Variants in MECR observed in about 807,000 individuals in gnomAD.
MECR encodes the protein enoyl-[acyl-carrier-protein] reductase, mitochondrial.
A neutral mutation model predicts 49.1 loss-of-function variants in MECR; 37 were observed. The observed-to-expected ratio is 0.75, with a 90% confidence interval of 0.58 to 0.99. The LOEUF (loss-of-function observed/expected upper bound fraction) is 0.99. MECR is among the 50% of genes least tolerant of loss of function. The pLI, the probability that MECR is intolerant of heterozygous loss-of-function variation, is 0.00. For missense variants in MECR, 470 were observed against 479.6 expected (o/e 0.98, Z 0.19); for synonymous variants, 198 against 191.1 (o/e 1.04, Z -0.30).
chr1:29,202,481 G>T (rs1455687459), intron 5 of MECR, among the ~76,000 whole-genome samples: 1 of 152,146 alleles, frequency 6.6e-6, no homozygotes, highest in Non-Finnish European at 1.5e-5. Flanking sequence ...TACAACTGAG[G>T]AACTGAAGCT....
chr1:29,214,894 T>G (rs1265544802), intron 3 of MECR, among the ~76,000 whole-genome samples: 1 of 152,248 alleles, frequency 6.6e-6, no homozygotes, highest in African/African-American at 2.4e-5. Flanking sequence ...ATAACAGACG[T>G]GCCTTGAAAA....
chr1:29,211,708 C>T (rs1443872515), intron 3 of MECR, among the ~76,000 whole-genome samples: 1 of 76,800 alleles, frequency 1.3e-5, no homozygotes, highest in East Asian at 2.0e-4. Flanking sequence ...AGAGAACTTG[C>T]CCCCTGATTC....
chr1:29,202,298 G>A (rs1313239689), intron 5 of MECR, among the ~76,000 whole-genome samples: 1 of 152,162 alleles, frequency 6.6e-6, no homozygotes, highest in East Asian at 1.9e-4. Context: ...AGTGTTAGAA[G>A]CCATCTGTGC....
At chr1:29,181,822 A>ACGGCGGCAGCGGCGG in the MECR span, 9 of 1,328,760 alleles carry the variant, frequency 6.8e-6, no homozygotes, top group Non-Finnish European at 8.8e-6. Context: ...AAGCGAGAGC[A>ACGGCGGCAGCGGCGG]CGGCGGCAGC....
intron 3 of MECR, among the ~76,000 whole-genome samples, chr1:29,214,667 T>A (rs1367540109): frequency 6.6e-6 from 1 of 152,176 alleles, no homozygotes; most frequent in Non-Finnish European, 1.5e-5. Context: ...GGCCCCAACT[T>A]CTTTTTTTAA....
At chr1:29,227,919 G>A (rs1682516339) in intron 1 of MECR, among the ~76,000 whole-genome samples, 1 of 152,168 alleles carries the variant, frequency 6.6e-6, no homozygotes, top group Admixed American at 6.5e-5. Flanking sequence ...GAGAATTACT[G>A]CTTGTCTGAC....
chr1:29,205,803 C>A (rs540140335), intron 4 of MECR, among the ~76,000 whole-genome samples: 1 of 152,036 alleles, frequency 6.6e-6, no homozygotes, highest in Non-Finnish European at 1.5e-5. Context: ...CAAGCCGGGG[C>A]GACAGAGCAC....
chr1:29,207,691 G>A (rs1676956705), intron 3 of MECR, among the ~76,000 whole-genome samples: 1 of 152,058 alleles, frequency 6.6e-6, no homozygotes, highest in Non-Finnish European at 1.5e-5. Flanking sequence ...AGTGAGCTAT[G>A]ATTGTGTGAC....
chr1:29,207,072 C>T (rs1676779087), intron 3 of MECR, among the ~76,000 whole-genome samples, 167 bp from the exon 4 acceptor site: 1 of 152,086 alleles, frequency 6.6e-6, no homozygotes, highest in African/African-American at 2.4e-5. Flanking sequence ...CTGGACGTTC[C>T]TCTGAATGTC....
chr1:29,230,782 CGGG>C lies in MECR; in HGVS notation c.122_124del (p.Ala41_Arg42delinsGly). The C allele has an allele frequency of 6.2e-7, 1 of 1,603,406 alleles. No individual in the cohort carries two copies. Among genetic ancestry groups the C allele is most frequent in the Non-Finnish European group, 8.5e-7 (1 of 1,175,676 alleles). ...GTGCCCATAGACAAGCGCCCGGACC[CGGG>C]CAGGCTCGGCGGATGCGGAGTAGGA... On this transcript the variant is annotated inframe_deletion, in exon 1 of 10. Transcript: ENST00000263702.
At chr1:29,192,635 G>A (rs1673190371), downstream of MECR, among the ~76,000 whole-genome samples, 1 of 152,184 alleles carries the variant, frequency 6.6e-6, no homozygotes, top group Non-Finnish European at 1.5e-5. Flanking sequence ...CAGAGGGCCA[G>A]GTGATAAGGG....
chr1:29,192,286 CCT>C (rs1381565879), downstream of MECR, among the ~76,000 whole-genome samples: 1 of 152,144 alleles, frequency 6.6e-6, no homozygotes, highest in Admixed American at 6.5e-5. Flanking sequence ...ACTGCAGTTC[CCT>C]GAGTGCCAGG....
Position 29,193,988 on chromosome 1 carries a change from C to G in MECR, c.*34G>C, listed in dbSNP as rs752674070. ...TGCACCCAGCCCCTCAGATCCGCCT[C>G]CCCTCCCATGTCACTCCAGCTCTTT... On this transcript the variant is annotated 3_prime_UTR_variant, in exon 10 of 10. Coordinates refer to ENST00000263702, the MANE Select transcript of MECR (RefSeq NM_016011.5). The G allele has an allele frequency of 3.3e-5, 54 of 1,613,120 alleles. 1 individual carries two copies. In the South Asian group the frequency reaches 5.9e-4, roughly 18 times the overall value.
chr1:29,215,888 TAA>T, intron 3 of MECR, 115 bp downstream of exon 3: 1 of 1,213,400 alleles, frequency 8.2e-7, no homozygotes. Flanking sequence ...AATAAATAAA[TAA>T]AAAAAATAAA....
the MECR span, among the ~76,000 whole-genome samples, chr1:29,185,920 AG>A: frequency 6.6e-6 from 1 of 152,144 alleles, no homozygotes. Flanking sequence ...AGGGAGGTTG[AG>A]GCTGCAGTGA....
At chr1:29,206,502 T>C (rs1258740498) in intron 4 of MECR, among the ~76,000 whole-genome samples, 1 of 152,208 alleles carries the variant, frequency 6.6e-6, no homozygotes, top group Non-Finnish European at 1.5e-5. Context: ...TTTTGCTGAA[T>C]GACAGAATTC....
chr1:29,208,029 G>C (rs1317852463), intron 3 of MECR, among the ~76,000 whole-genome samples: 1 of 151,332 alleles, frequency 6.6e-6, no homozygotes, highest in Non-Finnish European at 1.5e-5. Context: ...TCTTGCTCTT[G>C]TCTCCCAGGC....
At chr1:29,200,679 G>A (rs1028618033) in intron 6 of MECR, 90 bp from the exon 7 acceptor site, 27 of 1,114,130 alleles carry the variant, frequency 2.4e-5, no homozygotes, top group Middle Eastern at 2.0e-4. Flanking sequence ...AAAGGAGGGA[G>A]TAAATGAGAT....
the MECR span, among the ~76,000 whole-genome samples, chr1:29,178,943 T>C: frequency 6.6e-6 from 1 of 152,220 alleles, no homozygotes; most frequent in African/African-American, 2.4e-5. Context: ...CTGTCATACC[T>C]GTCTTTGAAA....
Sources: gnomAD v4.1 joint callset for allele counts (sites outside exome capture counted in the v4.1 genomes callset) on GRCh38, gnomAD v4.1.1 for gene constraint, MANE v1.5 for transcripts, NCBI Gene and HGNC (gene_info 2026-07-23, HGNC 2026-07-21) for gene names.